Variants in BRMS1L observed in about 807,000 individuals in gnomAD.
BRMS1L encodes the protein breast cancer metastasis-suppressor 1-like protein.
Under a neutral mutation model 50.3 loss-of-function variants are expected in BRMS1L, and 23 were observed. The ratio of observed to expected loss-of-function variants is 0.46; its 90% CI spans 0.33 to 0.65. BRMS1L has a LOEUF of 0.65. BRMS1L is among the 30% of genes least tolerant of loss of function. The pLI is 0.02. For synonymous variants in BRMS1L, 114 were observed against 126.9 expected (o/e 0.90, Z 0.69); for missense variants, 286 against 386.1 (o/e 0.74, Z 2.17).
chr14:35,857,033 G>T (rs911621332), intron 4 of BRMS1L, among the ~76,000 whole-genome samples: 21 of 152,016 alleles, frequency 1.4e-4, no homozygotes, highest in Non-Finnish European at 2.6e-4. Context: ...TTGAGGTCAG[G>T]AGTTTGTGAC....
In BRMS1L at chr14:35,826,485, C is replaced by G. The variant is rs1467961906; in HGVS notation, c.-32C>G. The G allele has an allele frequency of 1.3e-6, 2 of 1,559,180 alleles. No homozygotes were observed. The highest frequency in any genetic ancestry group is 1.7e-6 in the Non-Finnish European group (2 of 1,151,722). On this transcript the variant is annotated 5_prime_UTR_variant, in exon 1 of 10. Transcript: ENST00000216807. ...GAAGCGGCGGTGGCCGGGCTGGGCGCCGGTAGTGGAAAGCGACGGCGCGGC... is the reference window on the plus strand; with the variant it reads ...GAAGCGGCGGTGGCCGGGCTGGGCGGCGGTAGTGGAAAGCGACGGCGCGGC...
At chr14:35,858,585 G>C (rs2078311304) in intron 4 of BRMS1L, 1 of 152,198 alleles carries the variant, frequency 6.6e-6, no homozygotes, top group Non-Finnish European at 1.5e-5. Context: ...AGTCTCAGTG[G>C]CCAGGAATTT....
intron 3 of BRMS1L, among the ~76,000 whole-genome samples, chr14:35,834,029 C>T (rs758299177): frequency 3.3e-5 from 5 of 151,976 alleles, no homozygotes; most frequent in Non-Finnish European, 7.4e-5. Context: ...TTACTTGAGT[C>T]GATTATTTAC....
intron 4 of BRMS1L, among the ~76,000 whole-genome samples, chr14:35,854,241 T>C (rs2078251129): frequency 6.6e-6 from 1 of 152,062 alleles, no homozygotes; most frequent in South Asian, 2.1e-4. Context: ...TCACTAAGAG[T>C]CTCTTAGTGG....
chr14:35,844,236 A>T (rs1374786314), intron 4 of BRMS1L, among the ~76,000 whole-genome samples: 1 of 152,126 alleles, frequency 6.6e-6, no homozygotes, highest in East Asian at 1.9e-4. Flanking sequence ...CTGGGGTATG[A>T]AAAAAAGCTC....
At chr14:35,855,114 T>A (rs1160212431) in intron 4 of BRMS1L, among the ~76,000 whole-genome samples, 3 of 152,232 alleles carry the variant, frequency 2.0e-5, no homozygotes, top group African/African-American at 7.2e-5. Flanking sequence ...CCAGGACCTT[T>A]CTCTGTTTCC....
intron 1 of BRMS1L, among the ~76,000 whole-genome samples, chr14:35,830,503 A>G (rs1307375073): frequency 6.6e-6 from 1 of 151,954 alleles, no homozygotes; most frequent in East Asian, 1.9e-4. Flanking sequence ...GACTACAGGC[A>G]TCCACCACTA....
chr14:35,839,499 A>G (rs932384692), intron 4 of BRMS1L, among the ~76,000 whole-genome samples: 3 of 152,246 alleles, frequency 2.0e-5, no homozygotes, highest in South Asian at 2.1e-4. Context: ...CTTCCTATCC[A>G]TGAACATGGA....
chr14:35,859,448 A>G (rs191027235), intron 4 of BRMS1L, among the ~76,000 whole-genome samples: 9 of 152,294 alleles, frequency 5.9e-5, no homozygotes, highest in Non-Finnish European at 1.2e-4. Flanking sequence ...TCTAGCTTCC[A>G]GCGTTGCTTT....
intron 4 of BRMS1L, among the ~76,000 whole-genome samples, chr14:35,854,670 T>G (rs1230430403): frequency 1.3e-5 from 2 of 152,238 alleles, no homozygotes. Flanking sequence ...TATCTAAGGT[T>G]CTTTGCTGTC....
chr14:35,869,398 A>G (rs1170527559), intron 9 of BRMS1L, among the ~76,000 whole-genome samples: 1 of 151,970 alleles, frequency 6.6e-6, no homozygotes, highest in Non-Finnish European at 1.5e-5. Flanking sequence ...CATCTCTACA[A>G]AGTAAAAAAA....
At chr14:35,858,832 C>G (rs185759452) in intron 4 of BRMS1L, among the ~76,000 whole-genome samples, 202 of 152,182 alleles carry the variant, frequency 1.3e-3, no homozygotes, top group African/African-American at 4.5e-3. Context: ...ACCTGGTACC[C>G]AGGTTCTTCC....
intron 4 of BRMS1L, among the ~76,000 whole-genome samples, chr14:35,856,100 T>TA (rs1273355601): frequency 1.3e-5 from 2 of 152,188 alleles, no homozygotes; most frequent in Non-Finnish European, 2.9e-5. Flanking sequence ...AGAAGGAAGA[T>TA]ACCCTGCCAA....
At chr14:35,867,756 C>A (rs1295749406) in intron 8 of BRMS1L, 150 bp from the exon 9 acceptor site, 2 of 630,908 alleles carry the variant, frequency 3.2e-6, no homozygotes, top group East Asian at 7.1e-5. Context: ...AGGAATAAAT[C>A]TTTTTATTAC....
intron 1 of BRMS1L, among the ~76,000 whole-genome samples, chr14:35,831,188 ACTTGGC>A (rs1354803198): frequency 1.3e-5 from 2 of 151,990 alleles, no homozygotes; most frequent in Non-Finnish European, 2.9e-5. Flanking sequence ...TGTCCTCCTG[ACTTGGC>A]CTTCCAAACT....
chr14:35,852,536 T>A (rs1355587635), intron 4 of BRMS1L, among the ~76,000 whole-genome samples: 2 of 152,264 alleles, frequency 1.3e-5, no homozygotes, highest in Non-Finnish European at 2.9e-5. Context: ...AATATACAAG[T>A]CTTTCAGCTC....
intron 4 of BRMS1L, among the ~76,000 whole-genome samples, chr14:35,852,274 A>C (rs1175539582): frequency 6.6e-6 from 1 of 152,238 alleles, no homozygotes; most frequent in Admixed American, 6.5e-5. Flanking sequence ...TATCATGGTC[A>C]TACCCACTGT....
At chr14:35,845,399 C>T (rs1225983030) in intron 4 of BRMS1L, among the ~76,000 whole-genome samples, 1 of 152,118 alleles carries the variant, frequency 6.6e-6, no homozygotes, top group Non-Finnish European at 1.5e-5. Flanking sequence ...ATTTCCTCTT[C>T]TTTTTTTCTC....
In BRMS1L at chr14:35,851,253, A is replaced by G. The variant is rs140795118; in HGVS notation, c.442-11337A>G. On this transcript the variant is annotated intron_variant, in intron 4 of 9. Transcript: ENST00000216807. ...GGTGAAACCGCACAGGTGTCAGTCT[A>G]CAGGAGAAAGGTTGAATAAACTCTG... Among the ~76,000 whole-genome samples the G allele has an allele frequency of 5.9e-5, 9 of 152,310 alleles. No individual in the cohort carries two copies. The East Asian group carries it at 1.5e-3, about 26-fold the overall frequency.
Sources: gnomAD v4.1 joint callset for allele counts (sites outside exome capture counted in the v4.1 genomes callset) on GRCh38, gnomAD v4.1.1 for gene constraint, MANE v1.5 for transcripts, NCBI Gene and HGNC (gene_info 2026-07-23, HGNC 2026-07-21) for gene names.